Variants in CTNND2 observed in about 807,000 individuals in gnomAD.
The protein encoded by CTNND2 is catenin delta-2.
A neutral mutation model predicts 144.4 loss-of-function variants in CTNND2; 22 were observed. The ratio of observed to expected loss-of-function variants is 0.15; its 90% CI spans 0.11 to 0.22. CTNND2 has a LOEUF of 0.22. Ranked by LOEUF, CTNND2 falls within the 10% of genes least tolerant of loss-of-function variation. The pLI is 1.00. For synonymous variants in CTNND2, 751 were observed against 695.6 expected (o/e 1.08, Z -1.25); for missense variants, 1,353 against 1,618.8 (o/e 0.84, Z 2.82).
chr5:11,338,716 T>A (rs372794531), intron 9 of CTNND2, among the ~76,000 whole-genome samples: 5 of 152,294 alleles, frequency 3.3e-5, no homozygotes, highest in African/African-American at 1.2e-4. Flanking sequence ...GTTGTTATTT[T>A]GGAATGCAAT....
At chr5:11,753,505 A>T (rs1229033509) in intron 1 of CTNND2, among the ~76,000 whole-genome samples, 1 of 151,868 alleles carries the variant, frequency 6.6e-6, no homozygotes, top group African/African-American at 2.4e-5. Flanking sequence ...ACAAACCTGC[A>T]TCCAGGAATA....
intron 16 of CTNND2, among the ~76,000 whole-genome samples, chr5:11,052,593 G>T (rs1467161581): frequency 1.3e-5 from 2 of 152,092 alleles, no homozygotes; most frequent in African/African-American, 4.8e-5. Context: ...AGCATTGGGA[G>T]ATTCACCTTA....
In CTNND2 at chr5:11,199,463, G is replaced by A. The variant is rs773342277; in HGVS notation, c.1960C>T (p.Arg654Trp). 8 of 1,613,818 alleles carry A rather than the reference G, an allele frequency of 5.0e-6. No homozygotes were observed. Among genetic ancestry groups the A allele is most frequent in the South Asian group, 3.3e-5 (3 of 91,080 alleles). Residue 654 changes from arginine to tryptophan, a missense_variant, in exon 11 of 22, where the codon CGG (arginine) becomes TGG (tryptophan). Physicochemically the swap from Arg to Trp is moderately radical, Grantham distance 101. Transcript: ENST00000304623. ...LLRKTTDLEI[R>W]ELVTGVLWNL... ...TGATTCTAACCTGTGACCAGCTCCC[G>A]GATCTCCAGGTCAGTCGTCTTGCGG... is the stretch of plus-strand genomic sequence containing the variant.
At chr5:11,891,627 G>C (rs1290497454) in intron 1 of CTNND2, among the ~76,000 whole-genome samples, 1 of 152,198 alleles carries the variant, frequency 6.6e-6, no homozygotes, top group East Asian at 1.9e-4. Flanking sequence ...ATCTACAAAA[G>C]GCCATGTGAG....
intron 10 of CTNND2, among the ~76,000 whole-genome samples, chr5:11,232,400 G>A (rs1188164314): frequency 6.6e-6 from 1 of 152,266 alleles, no homozygotes; most frequent in African/African-American, 2.4e-5. Context: ...ATAGGGCAGA[G>A]CTGCTCAAGG....
At chr5:11,700,794 A>G (rs1386164902) in intron 2 of CTNND2, among the ~76,000 whole-genome samples, 2 of 152,214 alleles carry the variant, frequency 1.3e-5, no homozygotes, top group Non-Finnish European at 2.9e-5. Context: ...AGACCTTGAA[A>G]TAAGAATCTG....
chr5:11,759,791 G>A (rs1049477327), intron 1 of CTNND2, among the ~76,000 whole-genome samples: 1 of 152,066 alleles, frequency 6.6e-6, no homozygotes, highest in Admixed American at 6.6e-5. Context: ...ATACAGCAAT[G>A]CTATGCAGTA....
At position 10,973,192 on chromosome 5, in the gene CTNND2, G is replaced by A. The variant is rs138417733; in HGVS notation, c.*261C>T. On this transcript the variant is annotated 3_prime_UTR_variant, in exon 22 of 22. Coordinates refer to ENST00000304623, the MANE Select transcript of CTNND2 (RefSeq NM_001332.4). This position sits in a 1 kb window ranked among gnomAD's most constrained non-coding sequence, Gnocchi z 5.6. ...CCACGTTCAGTATAAAGCACTTCTC[G>A]TTACTCTACAGCTCACGCTAGAAAG... is the stretch of plus-strand genomic sequence containing the variant. The A allele has an allele frequency of 2.9e-5, 11 of 383,208 alleles. No homozygotes were observed. Among genetic ancestry groups the A allele is most frequent in the East Asian group, 1.3e-4 (3 of 23,112 alleles). The allele number at this position is 383,208 out of a possible 1,614,324, so 23.7% of individuals were successfully genotyped here. A position where few individuals can be genotyped will look rare whatever the true frequency, so the allele number is the denominator to read the frequency against.
intron 9 of CTNND2, among the ~76,000 whole-genome samples, chr5:11,307,804 T>C (rs573852907): frequency 2.0e-5 from 3 of 152,200 alleles, no homozygotes; most frequent in African/African-American, 7.2e-5. Context: ...TAATTATTGA[T>C]TGTTATGGGC....
chr5:11,859,007 A>C (rs1284216009), intron 1 of CTNND2, among the ~76,000 whole-genome samples: 2 of 152,220 alleles, frequency 1.3e-5, no homozygotes, highest in South Asian at 4.1e-4. Flanking sequence ...TCCCCAAGTT[A>C]AATGCTTTAC....
intron 6 of CTNND2, among the ~76,000 whole-genome samples, chr5:11,386,683 T>C (rs564677063): frequency 2.0e-5 from 3 of 152,316 alleles, no homozygotes; most frequent in Admixed American, 6.5e-5. Context: ...ATGCAATCCA[T>C]AAAGCAATTA....
chr5:11,315,142 C>T (rs750105100), intron 9 of CTNND2, among the ~76,000 whole-genome samples: 8 of 152,114 alleles, frequency 5.3e-5, no homozygotes, highest in Non-Finnish European at 8.8e-5. Flanking sequence ...GCAGAGGGTT[C>T]ACCAGGAATG....
chr5:11,117,228 G>A (rs904247816), intron 13 of CTNND2, among the ~76,000 whole-genome samples: 5 of 151,926 alleles, frequency 3.3e-5, no homozygotes, highest in Non-Finnish European at 5.9e-5. Flanking sequence ...AGAACAATCT[G>A]CATATTTACT....
intron 14 of CTNND2, among the ~76,000 whole-genome samples, chr5:11,102,231 A>G (rs1751973620): frequency 6.6e-6 from 1 of 152,212 alleles, no homozygotes; most frequent in Non-Finnish European, 1.5e-5. Flanking sequence ...TATTACTTCA[A>G]TGTTCAAATT....
intron 2 of CTNND2, among the ~76,000 whole-genome samples, chr5:11,579,860 C>A (rs1778284483): frequency 6.6e-6 from 1 of 152,194 alleles, no homozygotes; most frequent in African/African-American, 2.4e-5. Flanking sequence ...CTGATCACCA[C>A]TGGCCTCCCC....
chr5:11,508,324 C>G (rs1169983009), intron 3 of CTNND2: 2 of 152,186 alleles, frequency 1.3e-5, no homozygotes, highest in African/African-American at 2.4e-5. Context: ...TGGGATCTGA[C>G]TTTTTCCCTT....
At chr5:11,323,490 C>T (rs748154717) in intron 9 of CTNND2, among the ~76,000 whole-genome samples, 41 of 152,116 alleles carry the variant, frequency 2.7e-4, no homozygotes, top group Non-Finnish European at 5.1e-4. Flanking sequence ...GGGGTCTTAT[C>T]CTTCCCTCCA....
chr5:11,126,105 C>G lies in CTNND2; in HGVS notation c.2160-8538G>C, dbSNP rs562904712. ...TCACCTGAGGTCGGGAGTTCGAGAC[C>G]AGCCTGACCAACATGGAGAATCCCT... is the stretch of plus-strand genomic sequence containing the variant. On this transcript the variant is annotated intron_variant, in intron 12 of 21. Coordinates refer to ENST00000304623, the MANE Select transcript of CTNND2 (RefSeq NM_001332.4). Among the ~76,000 whole-genome samples, 502 of 152,236 alleles carry G rather than the reference C, an allele frequency of 3.3e-3. 2 individuals carry two copies. The highest frequency in any genetic ancestry group is 0.011 in the African/African-American group (467 of 41,556).
At chr5:11,266,807 A>G (rs947247872) in intron 9 of CTNND2, among the ~76,000 whole-genome samples, 1 of 152,242 alleles carries the variant, frequency 6.6e-6, no homozygotes, top group Admixed American at 6.5e-5. Context: ...TGGCTTCAGA[A>G]GTGGAAACTC....
Sources: gnomAD v4.1 joint callset for allele counts (sites outside exome capture counted in the v4.1 genomes callset) on GRCh38, gnomAD v4.1.1 for gene constraint, Gnocchi (gnomAD v3.1) non-coding constraint, MANE v1.5 for transcripts, NCBI Gene and HGNC (gene_info 2026-07-23, HGNC 2026-07-21) for gene names.